Variants in NCKAP1L observed in about 807,000 individuals in gnomAD.
The protein encoded by NCKAP1L is NCK associated protein 1 like, also known as nck-associated protein 1-like.
NCKAP1L carries 53 observed loss-of-function variants against 139.2 expected under a neutral mutation model. That is an observed-to-expected ratio of 0.38 (90% CI 0.31 to 0.48). The LOEUF (loss-of-function observed/expected upper bound fraction) is 0.48, where lower values mean the gene tolerates loss of function less well. NCKAP1L is among the 20% of genes least tolerant of loss of function. The probability of loss-of-function intolerance (pLI) is 0.98; values close to 1 mark genes in which losing one functional copy is unlikely to be tolerated. For synonymous variants in NCKAP1L, 468 were observed against 499.7 expected (o/e 0.94, Z 0.85); for missense variants, 1,151 against 1,381.9 (o/e 0.83, Z 2.65).
chr12:54,536,894 A>C, intron 28 of NCKAP1L, 50 bp from the exon 29 acceptor site: 1 of 1,340,932 alleles, frequency 7.5e-7, no homozygotes, highest in Non-Finnish European at 1.1e-6. Flanking sequence ...GGAGTGGCTT[A>C]CTTTGTCATT....
At chr12:54,508,749 C>T (rs1216947098) in intron 5 of NCKAP1L, among the ~76,000 whole-genome samples, 2 of 152,140 alleles carry the variant, frequency 1.3e-5, no homozygotes, top group Non-Finnish European at 2.9e-5. Context: ...GGATTTTTTT[C>T]AACCAAACAT....
At chr12:54,542,065 G>A (rs937485521) in intron 30 of NCKAP1L, among the ~76,000 whole-genome samples, 13 of 152,074 alleles carry the variant, frequency 8.5e-5, no homozygotes, top group African/African-American at 2.2e-4. Flanking sequence ...AATCATGCCT[G>A]CTCCTTTATG....
intron 26 of NCKAP1L, among the ~76,000 whole-genome samples, chr12:54,534,537 A>G (rs1957098585): frequency 1.3e-5 from 2 of 152,216 alleles, no homozygotes; most frequent in Non-Finnish European, 1.5e-5. Flanking sequence ...CTTTGGGCTG[A>G]AGTAATCAGG....
At chr12:54,535,997 T>C in intron 27 of NCKAP1L, 132 bp from the exon 28 acceptor site, 4 of 668,754 alleles carry the variant, frequency 6.0e-6, no homozygotes, top group Non-Finnish European at 1.1e-5. Flanking sequence ...CCATAGGCTT[T>C]ATAAAGTGTT....
chr12:54,519,998 G>A (rs935405181), intron 16 of NCKAP1L, among the ~76,000 whole-genome samples: 1 of 151,972 alleles, frequency 6.6e-6, no homozygotes, highest in Non-Finnish European at 1.5e-5. Flanking sequence ...TTTGGAGAAT[G>A]AGCTGAATGA....
chr12:54,536,037 C>T, intron 27 of NCKAP1L, 92 bp from the exon 28 acceptor site: 1 of 882,678 alleles, frequency 1.1e-6, no homozygotes. Flanking sequence ...GCGATCCTCA[C>T]AGCAATTCTG....
intron 22 of NCKAP1L, 139 bp downstream of exon 22, chr12:54,528,516 C>T: frequency 1.0e-6 from 1 of 998,588 alleles, no homozygotes; most frequent in East Asian, 2.6e-5. Context: ...ACCACAGTTA[C>T]TTTTGCACCA....
Position 54,547,153 on chromosome 12 carries a change from A to C in NCKAP1L, c.*4468A>C, listed in dbSNP as rs1387930751. The C allele has an allele frequency of 6.6e-6, 1 of 152,228 alleles. No homozygotes were observed. The highest frequency in any genetic ancestry group is 1.5e-5 in the Non-Finnish European group (1 of 68,048). The allele number at this position is 152,228 out of a possible 1,614,324, so 9.4% of individuals were successfully genotyped here. On this transcript the variant is annotated 3_prime_UTR_variant, in exon 31 of 31. Coordinates refer to ENST00000293373, the MANE Select transcript of NCKAP1L (RefSeq NM_005337.5). ...AGAGAATAGTTGTCTTTTGAGCCTC[A>C]GAGTGGAACAAGTATACCCAATTCT...
At chr12:54,521,482 A>G (rs1026281347) in intron 18 of NCKAP1L, among the ~76,000 whole-genome samples, 1 of 152,200 alleles carries the variant, frequency 6.6e-6, no homozygotes, top group Non-Finnish European at 1.5e-5. Context: ...CTGCACTCCA[A>G]CAAAATCTGT....
chr12:54,540,294 G>A (rs1957146836), intron 30 of NCKAP1L, among the ~76,000 whole-genome samples: 1 of 152,184 alleles, frequency 6.6e-6, no homozygotes, highest in Non-Finnish European at 1.5e-5. Context: ...TGATATTTAT[G>A]CCTTAGTTTC....
intron 9 of NCKAP1L, among the ~76,000 whole-genome samples, chr12:54,514,143 G>C (rs1283826256): frequency 6.6e-6 from 1 of 152,052 alleles, no homozygotes; most frequent in East Asian, 1.9e-4. Context: ...TCAGTCTATA[G>C]AGACTTATTA....
intron 14 of NCKAP1L, 90 bp downstream of exon 14, chr12:54,518,822 C>A (rs1010986783): frequency 1.1e-5 from 17 of 1,511,468 alleles, no homozygotes; most frequent in Non-Finnish European, 1.1e-5. Flanking sequence ...GGAAGTAGGA[C>A]AAGATGTTTT....
chr12:54,512,306 A>T, intron 9 of NCKAP1L: 1 of 468,310 alleles, frequency 2.1e-6, no homozygotes, highest in Non-Finnish European at 3.7e-6. Context: ...GACAACATGG[A>T]GGTTAAGAGC....
chr12:54,544,189 G>C lies in NCKAP1L; in HGVS notation c.*1504G>C, dbSNP rs1408780874. 1 of 152,164 alleles carries C rather than the reference G, an allele frequency of 6.6e-6. No individual in the cohort carries two copies. The highest frequency in any genetic ancestry group is 1.5e-5 in the Non-Finnish European group (1 of 68,032). The allele number at this position is 152,164 out of a possible 1,614,324, so 9.4% of individuals were successfully genotyped here. On this transcript the variant is annotated 3_prime_UTR_variant, in exon 31 of 31. Transcript: ENST00000293373. ...AATCCTCCTTCCTTGCTATGGGAAG[G>C]GCTTATGTTCTAAAGGGTGATTCAG...
At position 54,499,386 on chromosome 12, in the gene NCKAP1L, T is replaced by C; in HGVS notation, c.134T>C (p.Phe45Ser). The C allele has an allele frequency of 1.9e-6, 3 of 1,611,632 alleles. No individual in the cohort carries two copies. Among genetic ancestry groups the C allele is most frequent in the South Asian group, 1.1e-5 (1 of 91,044 alleles). The change falls in exon 2 of 31, where the codon TTC (phenylalanine) becomes TCC (serine). Residue 45 changes from phenylalanine to serine, a missense_variant. By Grantham distance (155) the Phe-to-Ser change is radical. Coordinates refer to ENST00000293373, the MANE Select transcript of NCKAP1L (RefSeq NM_005337.5). ...TCAGACCCCAAATCTAAGCCACCTT[T>C]CTTACTGGAAAAGTCCATGGAACCA... Reference protein sequence around the residue: ...TCSDPKSKPPFLLEKSMEPSL... With the variant: ...TCSDPKSKPPSLLEKSMEPSL...
chr12:54,507,308 A>C (rs1328972733), intron 3 of NCKAP1L, among the ~76,000 whole-genome samples: 1 of 152,124 alleles, frequency 6.6e-6, no homozygotes, highest in Non-Finnish European at 1.5e-5. Context: ...TGAAAAGGAG[A>C]AGAATCCCTA....
At position 54,535,216 on chromosome 12, in the gene NCKAP1L, G is replaced by A; in HGVS notation, c.2956+19G>A. On this transcript the variant is annotated intron_variant, in intron 27 of 30. Coordinates refer to ENST00000293373, the MANE Select transcript of NCKAP1L (RefSeq NM_005337.5). ...AAAGCTGGTAAGATTGGGGAAAGGG[G>A]GCGAGATTTGGGAAAGGAGGGCTTG... 6.3e-7 allele frequency: 1 copy of A among 1,596,848 alleles called. No homozygotes were observed. Among genetic ancestry groups the A allele is most frequent in the Non-Finnish European group, 8.6e-7 (1 of 1,165,568 alleles).
intron 29 of NCKAP1L, 79 bp downstream of exon 29, chr12:54,537,132 C>T (rs1395931093): frequency 4.2e-6 from 4 of 942,258 alleles, no homozygotes; most frequent in African/African-American, 1.6e-5. Flanking sequence ...AGACAATTAT[C>T]GTTGAACAGG....
At chr12:54,511,920 C>T in intron 8 of NCKAP1L, 29 bp from the exon 9 acceptor site, 1 of 1,614,126 alleles carries the variant, frequency 6.2e-7, no homozygotes. Context: ...TTCTAAAAGT[C>T]TTCCTCTGCA....
Sources: allele counts gnomAD v4.1 joint callset (sites outside exome capture counted in the v4.1 genomes callset), GRCh38; gene constraint gnomAD v4.1.1; transcripts MANE v1.5; gene names NCBI Gene and HGNC (gene_info 2026-07-23, HGNC 2026-07-21).